Variants in UGT1A3 observed in about 807,000 individuals in gnomAD.
UGT1A3 encodes the protein UDP glucuronosyltransferase family 1 member A3.
A neutral mutation model predicts 41.0 loss-of-function variants in UGT1A3; 31 were observed. The ratio of observed to expected loss-of-function variants is 0.76; its 90% CI spans 0.57 to 1.02. The LOEUF (loss-of-function observed/expected upper bound fraction) is 1.02, where lower values mean the gene tolerates loss of function less well. UGT1A3 is among the 50% of genes least tolerant of loss of function. The probability of loss-of-function intolerance (pLI) is 0.00; values close to 1 mark genes in which losing one functional copy is unlikely to be tolerated. For missense variants in UGT1A3, 737 were observed against 671.0 expected (o/e 1.10, Z -1.09); for synonymous variants, 262 against 257.6 (o/e 1.02, Z -0.17).
chr2:233,747,676 A>G (rs1559392611), intron 1 of UGT1A3: 10 of 1,605,156 alleles, frequency 6.2e-6, no homozygotes, highest in Non-Finnish European at 8.5e-6. Flanking sequence ...GACCCAATTT[A>G]CCTCTGTGGG....
chr2:233,734,726 T>C (rs1273359481), intron 1 of UGT1A3, among the ~76,000 whole-genome samples: 1 of 150,790 alleles, frequency 6.6e-6, no homozygotes, highest in African/African-American at 2.4e-5. Flanking sequence ...TTTGTTCTCG[T>C]CGGTTTCAAA....
chr2:233,747,677 C>A, intron 1 of UGT1A3: 1 of 1,606,760 alleles, frequency 6.2e-7, no homozygotes, highest in East Asian at 2.2e-5. Flanking sequence ...ACCCAATTTA[C>A]CTCTGTGGGG....
intron 1 of UGT1A3, chr2:233,760,692 G>A (rs541943163): frequency 1.2e-6 from 2 of 1,614,200 alleles, no homozygotes; most frequent in South Asian, 1.1e-5. Flanking sequence ...ACAACAAGGA[G>A]CTCATGGCCT....
At chr2:233,750,094 G>C (rs1227492206) in intron 1 of UGT1A3, among the ~76,000 whole-genome samples, 2 of 151,908 alleles carry the variant, frequency 1.3e-5, no homozygotes, top group Non-Finnish European at 2.9e-5. Flanking sequence ...GAACAGTTTG[G>C]AGAGCTCAGA....
intron 1 of UGT1A3, among the ~76,000 whole-genome samples, chr2:233,758,641 A>G (rs1696933975): frequency 6.6e-6 from 1 of 152,212 alleles, no homozygotes; most frequent in Non-Finnish European, 1.5e-5. Flanking sequence ...TCTAAGGAGA[A>G]GAATGAGAGG....
chr2:233,745,050 TTTATTTGTA>T (rs1253240051), intron 1 of UGT1A3, among the ~76,000 whole-genome samples: 6 of 151,926 alleles, frequency 3.9e-5, no homozygotes, highest in South Asian at 2.1e-4. Context: ...GTATTGGTTT[TTTATTTGTA>T]TTATTTGTAT....
At chr2:233,742,075 C>T (rs1426608266) in intron 1 of UGT1A3, 1 of 151,834 alleles carries the variant, frequency 6.6e-6, no homozygotes, top group East Asian at 1.9e-4. Context: ...TTATGGAGAT[C>T]CTTTTTTTAC....
chr2:233,761,973 C>T (rs557947533), intron 1 of UGT1A3, among the ~76,000 whole-genome samples: 2 of 152,314 alleles, frequency 1.3e-5, no homozygotes, highest in East Asian at 3.9e-4. Flanking sequence ...ACTGATATCA[C>T]CTTCGGAGGT....
intron 1 of UGT1A3, among the ~76,000 whole-genome samples, chr2:233,730,798 G>C (rs772379862): frequency 4.6e-5 from 7 of 152,122 alleles, no homozygotes; most frequent in Non-Finnish European, 7.3e-5. Flanking sequence ...AGTGATGAAT[G>C]GACATGCGTC....
chr2:233,743,608 G>A (rs1692376104), intron 1 of UGT1A3: 5 of 1,367,320 alleles, frequency 3.7e-6, no homozygotes, highest in Non-Finnish European at 4.9e-6. Context: ...GGCCGCCGAA[G>A]AACTCCCTGA....
intron 1 of UGT1A3, chr2:233,743,329 A>G: frequency 4.0e-6 from 3 of 753,958 alleles, no homozygotes; most frequent in East Asian, 1.3e-4. Context: ...ACCATCAACT[A>G]TTTCAGTGGA....
rs749759024 is a variant in UGT1A3, at chr2:233,729,250, C to T, written c.124C>T (p.Leu42Phe). 3 of 1,614,224 alleles carry T rather than the reference C, an allele frequency of 1.9e-6. No individual in the cohort carries two copies. Among genetic ancestry groups the T allele is most frequent in the South Asian group, 1.1e-5 (1 of 91,088 alleles). The change falls in exon 1 of 5, where the codon CTC becomes TTC. Residue 42 changes from leucine to phenylalanine, a missense_variant. Coordinates refer to ENST00000482026, the MANE Select transcript of UGT1A3 (RefSeq NM_019093.4). ...GGTGCCCATTGATGGCAGCCACTGG[C>T]TCAGCATGCGGGAGGTCTTGCGGGA... Reference protein sequence around the residue: ...LVVPIDGSHWLSMREVLRELH... With the variant: ...LVVPIDGSHWFSMREVLRELH...
At chr2:233,755,100 G>C (rs920872791) in intron 1 of UGT1A3, 1 of 1,335,078 alleles carries the variant, frequency 7.5e-7, no homozygotes, top group Non-Finnish European at 1.0e-6. Flanking sequence ...CTACGCGTCC[G>C]ACAACACCTC....
At chr2:233,747,947 G>T in intron 1 of UGT1A3, 1 of 1,613,454 alleles carries the variant, frequency 6.2e-7, no homozygotes, top group Non-Finnish European at 8.5e-7. Flanking sequence ...AGGTGTCAGT[G>T]GTGGATCTTC....
chr2:233,762,105 C>T (rs879435361), intron 1 of UGT1A3, among the ~76,000 whole-genome samples: 8 of 151,972 alleles, frequency 5.3e-5, no homozygotes, highest in Non-Finnish European at 1.0e-4. Flanking sequence ...GTTGATTGTC[C>T]GCTTCACATC....
At chr2:233,742,286 A>G (rs1691931805) in intron 1 of UGT1A3, among the ~76,000 whole-genome samples, 1 of 152,016 alleles carries the variant, frequency 6.6e-6, no homozygotes, top group African/African-American at 2.4e-5. Context: ...CATCATTTCT[A>G]TAGATTATAG....
At chr2:233,764,677 A>G (rs1698620096) in intron 1 of UGT1A3, among the ~76,000 whole-genome samples, 1 of 152,174 alleles carries the variant, frequency 6.6e-6, no homozygotes, top group Non-Finnish European at 1.5e-5. Flanking sequence ...CAGAAGAAAG[A>G]ACTTGAAGAG....
In UGT1A3 at chr2:233,743,065, G is replaced by A. The variant is rs916889730; in HGVS notation, c.867+13072G>A. Reference sequence around the variant, plus strand: ...CCGTGTAGTCCCAACGATAAGAACAGGTGTTGGCATGAAGTGTTTATAAAT... The same window carrying A: ...CCGTGTAGTCCCAACGATAAGAACAAGTGTTGGCATGAAGTGTTTATAAAT... On this transcript the variant is annotated intron_variant, in intron 1 of 4. Coordinates refer to ENST00000482026, the MANE Select transcript of UGT1A3 (RefSeq NM_019093.4). 1.2e-5 allele frequency: 4 copies of A among 339,690 alleles called. No homozygotes were observed. The Admixed American group carries it at 1.2e-4, about 10-fold the overall frequency. The allele number at this position is 339,690 out of a possible 1,614,324, so 21.0% of individuals were successfully genotyped here.
chr2:233,736,925 G>A lies in UGT1A3; in HGVS notation c.867+6932G>A, dbSNP rs188632907. Among the ~76,000 whole-genome samples, 72 of 152,232 alleles carry A rather than the reference G, an allele frequency of 4.7e-4. 1 individual carries two copies. The Middle Eastern group carries it at 0.014, about 29-fold the overall frequency. On this transcript the variant is annotated intron_variant, in intron 1 of 4. Coordinates refer to ENST00000482026, the MANE Select transcript of UGT1A3 (RefSeq NM_019093.4). ...CCTCTGGAAGCTTCATACCAGAGGC[G>A]CACCCACCTATATGAGGTGTCTGTT...
Sources: allele counts gnomAD v4.1 joint callset (sites outside exome capture counted in the v4.1 genomes callset), GRCh38; gene constraint gnomAD v4.1.1; transcripts MANE v1.5; gene names NCBI Gene and HGNC (gene_info 2026-07-23, HGNC 2026-07-21).